Variants in EBPL observed in about 807,000 individuals in gnomAD.
EBPL encodes emopamil-binding protein-like.
Under a neutral mutation model 19.0 loss-of-function variants are expected in EBPL, and 20 were observed. The ratio of observed to expected loss-of-function variants is 1.05; its 90% CI spans 0.74 to 1.53. The LOEUF (loss-of-function observed/expected upper bound fraction) is 1.53, where lower values mean the gene tolerates loss of function less well. Among genes scored for constraint, EBPL ranks in the 40% most tolerant of loss-of-function variants. The pLI, the probability that EBPL is intolerant of heterozygous loss-of-function variation, is 0.00. For synonymous variants in EBPL, 107 were observed against 117.0 expected, an observed-to-expected ratio of 0.91 and a Z score of 0.55; for missense variants, 219 against 261.1, an observed-to-expected ratio of 0.84 and a Z score of 1.11.
intron 1 of EBPL, among the ~76,000 whole-genome samples, chr13:49,688,928 C>G (rs1296648718): frequency 1.3e-5 from 2 of 152,152 alleles, no homozygotes; most frequent in Non-Finnish European, 2.9e-5. Context: ...AATTCAAGTG[C>G]TCTCCCCACT....
Position 49,678,414 on chromosome 13 carries a change from C to T in EBPL, c.172-8568G>A, listed in dbSNP as rs111634081. ...TGCCCTTCAGGAGCGGGGGTGGTGC[C>T]GGCTCGGGCATGGCGGGCTGCAAGT... is the stretch of plus-strand genomic sequence containing the variant. On this transcript the variant is annotated intron_variant, in intron 1 of 3. Coordinates refer to ENST00000242827, the MANE Select transcript of EBPL (RefSeq NM_032565.5). Among the ~76,000 whole-genome samples, 44 of 152,330 alleles carry T rather than the reference C, an allele frequency of 2.9e-4. 1 individual carries two copies. The highest frequency in any genetic ancestry group is 9.9e-4 in the African/African-American group (41 of 41,586).
intron 1 of EBPL, among the ~76,000 whole-genome samples, chr13:49,672,094 T>C (rs575428547): frequency 1.3e-5 from 2 of 152,210 alleles, no homozygotes; most frequent in African/African-American, 2.4e-5. Flanking sequence ...CTGCTCGCTA[T>C]GGACCCCCAG....
At chr13:49,680,636 T>G (rs7998994) in intron 1 of EBPL, among the ~76,000 whole-genome samples, 18,097 of 152,118 alleles carry the variant, frequency 0.12, 1,404 homozygotes, top group African/African-American at 0.22. Flanking sequence ...ATCCTGGCCA[T>G]CATGGTGAAA....
At chr13:49,662,618 A>T (rs1332407444) in intron 3 of EBPL, among the ~76,000 whole-genome samples, 1 of 151,958 alleles carries the variant, frequency 6.6e-6, no homozygotes, top group African/African-American at 2.4e-5. Flanking sequence ...TATCTCACAT[A>T]AAATAATTTT....
At chr13:49,674,139 T>C (rs912111036) in intron 1 of EBPL, among the ~76,000 whole-genome samples, 7 of 152,204 alleles carry the variant, frequency 4.6e-5, no homozygotes, top group Non-Finnish European at 8.8e-5. Context: ...GACAGAGTCT[T>C]GCTCCCCAGG....
At chr13:49,671,668 G>T (rs901414179) in intron 1 of EBPL, among the ~76,000 whole-genome samples, 3 of 152,202 alleles carry the variant, frequency 2.0e-5, no homozygotes, top group African/African-American at 7.2e-5. Context: ...GGGCAATGGG[G>T]CTGGACTGGA....
intron 2 of EBPL, among the ~76,000 whole-genome samples, chr13:49,669,414 C>A (rs756067309): frequency 1.3e-5 from 2 of 152,120 alleles, no homozygotes; most frequent in African/African-American, 4.8e-5. Context: ...GTTGCCCAGG[C>A]TCAAATATTG....
chr13:49,663,202 A>T lies in EBPL; in HGVS notation c.242-7T>A. On this transcript the variant is annotated splice_polypyrimidine_tract_variant and splice_region_variant and intron_variant, in intron 2 of 3. Coordinates refer to ENST00000242827, the MANE Select transcript of EBPL (RefSeq NM_032565.5). ...GCTTTGCCATATTCTTTCCCTAAAG[A>T]CAAAATCCATGTTGTTACTCAAATG... 6.2e-7 allele frequency: 1 copy of T among 1,613,370 alleles called. No homozygotes were observed. The highest frequency in any genetic ancestry group is 8.5e-7 in the Non-Finnish European group (1 of 1,179,312).
chr13:49,677,634 C>T (rs777081019), intron 1 of EBPL, among the ~76,000 whole-genome samples: 4 of 152,152 alleles, frequency 2.6e-5, no homozygotes, highest in East Asian at 1.9e-4. Flanking sequence ...AAGGGCTGGA[C>T]GTGATGGCTC....
intron 2 of EBPL, chr13:49,668,093 A>C (rs1030606198): frequency 1.3e-5 from 2 of 152,326 alleles, no homozygotes; most frequent in African/African-American, 4.8e-5. Flanking sequence ...CTGGATCTGA[A>C]GTGGCTCTAC....
intron 1 of EBPL, among the ~76,000 whole-genome samples, chr13:49,684,602 G>A (rs957115718): frequency 5.9e-5 from 9 of 152,192 alleles, no homozygotes; most frequent in Non-Finnish European, 1.3e-4. Context: ...TTGAACCCAG[G>A]AGGCAGAGGC....
rs1965170290 is a variant in EBPL, at chr13:49,662,931, C to T, written c.380+126G>A. On this transcript the variant is annotated intron_variant, in intron 3 of 3. Coordinates refer to ENST00000242827, the MANE Select transcript of EBPL (RefSeq NM_032565.5). ...GATTACAGGTGGGAGCCACCGCGCC[C>T]AGCCTCTATTCTTCCACCTTTTATC... 6 of 1,306,260 alleles carry T rather than the reference C, an allele frequency of 4.6e-6. No homozygotes were observed. The South Asian group carries it at 6.0e-5, about 13-fold the overall frequency. The allele number at this position is 1,306,260 out of a possible 1,614,324, so 80.9% of individuals were successfully genotyped here.
At chr13:49,665,153 C>T (rs1038533987) in intron 2 of EBPL, among the ~76,000 whole-genome samples, 3 of 149,802 alleles carry the variant, frequency 2.0e-5, no homozygotes, top group African/African-American at 7.4e-5. Context: ...CACTGTTACC[C>T]AGCCTGGAGT....
intron 1 of EBPL, among the ~76,000 whole-genome samples, chr13:49,678,006 G>C (rs918668971): frequency 7.7e-6 from 1 of 130,388 alleles, no homozygotes; most frequent in African/African-American, 2.6e-5. Flanking sequence ...AAAGAACAAA[G>C]ACTCCACAGC....
At chr13:49,678,467 C>T (rs1953904034) in intron 1 of EBPL, among the ~76,000 whole-genome samples, 1 of 152,228 alleles carries the variant, frequency 6.6e-6, no homozygotes, top group African/African-American at 2.4e-5. Flanking sequence ...GGGGAAGCGG[C>T]TCAGGCCCGG....
Position 49,675,233 on chromosome 13 carries a change from C to T in EBPL, c.172-5387G>A, listed in dbSNP as rs114402369. 4.3e-3 allele frequency among the ~76,000 whole-genome samples: 660 copies of T among 152,296 alleles called. 6 individuals carry two copies. The highest frequency in any genetic ancestry group is 0.015 in the African/African-American group (623 of 41,556). On this transcript the variant is annotated intron_variant, in intron 1 of 3. Transcript: ENST00000242827. ...TTTGCTCCTGCGTTACAAACCTGTA[C>T]GGCATTACTGTACTGAATACTGTAG...
chr13:49,675,253 C>G (rs1566317646), intron 1 of EBPL, among the ~76,000 whole-genome samples: 1 of 152,194 alleles, frequency 6.6e-6, no homozygotes. Context: ...GTACTGAATA[C>G]TGTAGGAAAT....
At chr13:49,671,180 T>C (rs908755541) in intron 1 of EBPL, among the ~76,000 whole-genome samples, 2 of 152,146 alleles carry the variant, frequency 1.3e-5, no homozygotes, top group Non-Finnish European at 1.5e-5. Flanking sequence ...AAGCTGAAGA[T>C]AGGCTGGAGT....
intron 1 of EBPL, among the ~76,000 whole-genome samples, chr13:49,678,650 C>T (rs1953906699): frequency 6.6e-6 from 1 of 151,864 alleles, no homozygotes; most frequent in South Asian, 2.1e-4. Context: ...CGGGTTCTCG[C>T]CGGCGCCTCT....
Sources: gnomAD v4.1 joint callset for allele counts (sites outside exome capture counted in the v4.1 genomes callset) on GRCh38, gnomAD v4.1.1 for gene constraint, MANE v1.5 for transcripts, NCBI Gene and HGNC (gene_info 2026-07-23, HGNC 2026-07-21) for gene names.